NLRP6: variants seen among roughly 807,000 people sequenced by gnomAD.
The protein encoded by NLRP6 is NACHT, LRR and PYD domains-containing protein 6.
Under a neutral mutation model 70.9 loss-of-function variants are expected in NLRP6, and 55 were observed. That is an observed-to-expected ratio of 0.78 (90% CI 0.62 to 0.97). The LOEUF (loss-of-function observed/expected upper bound fraction) is 0.97. NLRP6 is among the 50% of genes least tolerant of loss of function. NLRP6 has a pLI of 0.00. For synonymous variants in NLRP6, 652 were observed against 581.9 expected (o/e 1.12, Z -1.73); for missense variants, 1,241 against 1,238.3 (o/e 1.00, Z -0.03).
rs897652584 is a variant in NLRP6, at chr11:280,296, C to G, written c.562C>G (p.Arg188Gly). 3.3e-6 allele frequency: 5 copies of G among 1,502,432 alleles called. No individual in the cohort carries two copies. Among genetic ancestry groups the G allele is most frequent in the Non-Finnish European group, 4.4e-6 (5 of 1,126,694 alleles). 93.1% of individuals were successfully genotyped at this position (1,502,432 alleles called of 1,614,324 possible). A position where few individuals can be genotyped will look rare whatever the true frequency, so the allele number is the denominator to read the frequency against. The change falls in exon 4 of 8, where the codon CGC becomes GGC. Residue 188 changes from arginine to glycine, a missense_variant. Transcript: ENST00000534750. ...DTHTFNRLFR[R>G]DEEGRRPLTV... is the part of the protein sequence containing the mutation. Reference sequence around the variant, plus strand: ...GCACACTTTCAACCGCCTCTTCCGCCGCGACGAGGAGGGCCGGCGGCCGCT... The same window carrying G: ...GCACACTTTCAACCGCCTCTTCCGCGGCGACGAGGAGGGCCGGCGGCCGCT...
Position 280,362 on chromosome 11 carries a change from A to G in NLRP6, c.628A>G (p.Met210Val). The G allele has an allele frequency of 6.5e-7, 1 of 1,539,240 alleles. No individual in the cohort carries two copies. The change falls in exon 4 of 8, where the codon ATG (methionine) becomes GTG (valine). Residue 210 changes from methionine to valine, a missense_variant. Coordinates refer to ENST00000534750, the MANE Select transcript of NLRP6 (RefSeq NM_001276700.2). ...LQGPAGIGKT[M>V]AAKKILYDWA... ...GGGCCCGGCGGGCATCGGCAAGACC[A>G]TGGCGGCCAAAAAGATCCTGTACGA...
rs574128942 is a variant in NLRP6, at chr11:284,340, C to T, written c.2309C>T (p.Ala770Val). Residue 770 changes from alanine to valine, a missense_variant, in exon 6 of 8, where the codon GCG becomes GTG. Transcript: ENST00000534750. ...LGLLHNRLSE[A>V]GLRMLSEGLA... ...CTCCTCCACAACAGGCTCAGTGAGG[C>T]GGGACTGCGTATGCTGAGTGAGGGC... The T allele has an allele frequency of 4.3e-5, 70 of 1,610,874 alleles. No individual in the cohort carries two copies. Among genetic ancestry groups the T allele is most frequent in the South Asian group, 1.3e-4 (12 of 91,012 alleles).
In NLRP6 at chr11:280,100, C is replaced by T; in HGVS notation, c.366C>T (p.Tyr122=). 6.6e-7 allele frequency: 1 copy of T among 1,518,190 alleles called. No individual in the cohort carries two copies. The highest frequency in any genetic ancestry group is 1.2e-5 in the South Asian group (1 of 80,158). The allele number at this position is 1,518,190 out of a possible 1,614,324, so 94.0% of individuals were successfully genotyped here. Residue 122 remains tyrosine, a synonymous_variant, in exon 4 of 8, where the codon TAC becomes TAT. Coordinates refer to ENST00000534750, the MANE Select transcript of NLRP6 (RefSeq NM_001276700.2). ...TGCGCCCAGAGTACAAGAAGAAGTA[C>T]CGGGAGCACGTGCTGCAGCTGCACG... ...LLSVSEYKKK[Y]REHVLQLHAR...
Position 280,249 on chromosome 11 carries a change from G to GGC in NLRP6, c.523_524dup (p.Arg176GlyfsTer22). On this transcript the variant is annotated frameshift_variant, in exon 4 of 8. Coordinates refer to ENST00000534750, the MANE Select transcript of NLRP6 (RefSeq NM_001276700.2). LOFTEE classifies it high-confidence loss of function. ...GGGCCCGCGGAAGAGCCTGAGCCGGGGCGCGCGCGGCGCTCGGACACGCAC... is the reference window on the plus strand; with the variant it reads ...GGGCCCGCGGAAGAGCCTGAGCCGGGGCGCGCGCGCGGCGCTCGGACACGCAC... The GGC allele has an allele frequency of 1.3e-6, 2 of 1,527,072 alleles. No homozygotes were observed. The highest frequency in any genetic ancestry group is 1.8e-6 in the Non-Finnish European group (2 of 1,138,598). The allele number at this position is 1,527,072 out of a possible 1,614,324, so 94.6% of individuals were successfully genotyped here.
chr11:283,312 T>C (rs1433216262), intron 5 of NLRP6, among the ~76,000 whole-genome samples: 1 of 46,170 alleles, frequency 2.2e-5, no homozygotes, highest in Admixed American at 2.3e-4. Context: ...TGTACAGTTC[T>C]TTTTTTTTTT....
intron 5 of NLRP6, among the ~76,000 whole-genome samples, chr11:283,540 C>T (rs1021837548): frequency 2.0e-5 from 3 of 152,072 alleles, no homozygotes; most frequent in Non-Finnish European, 4.4e-5. Flanking sequence ...GTCTCGATCT[C>T]CTGACCTCGT....
Position 284,358 on chromosome 11 carries a change from G to C in NLRP6, c.2327G>C (p.Ser776Thr), listed in dbSNP as rs1845524969. 5 of 1,607,544 alleles carry C rather than the reference G, an allele frequency of 3.1e-6. No homozygotes were observed. The highest frequency in any genetic ancestry group is 1.1e-5 in the South Asian group (1 of 90,926). Residue 776 changes from serine to threonine, a missense_variant, in exon 6 of 8, where the codon AGT (serine) becomes ACT (threonine). Physicochemically the swap from Ser to Thr is moderately conservative, Grantham distance 58. Coordinates refer to ENST00000534750, the MANE Select transcript of NLRP6 (RefSeq NM_001276700.2). ...AGTGAGGCGGGACTGCGTATGCTGA[G>C]TGAGGGCCTAGCCTGGCCGCAGTGC... is the stretch of plus-strand genomic sequence containing the variant. ...RLSEAGLRMLSEGLAWPQCRV... is the reference protein window; with the variant it reads ...RLSEAGLRMLTEGLAWPQCRV...
intron 1 of NLRP6, 187 bp from the exon 2 acceptor site, chr11:279,140 G>A: frequency 2.1e-6 from 1 of 472,652 alleles, no homozygotes; most frequent in East Asian, 3.7e-5. Flanking sequence ...CGGGTCCGGG[G>A]ACGGGGGAGG....
In NLRP6 at chr11:280,513, G is replaced by C; in HGVS notation, c.779G>C (p.Arg260Pro). The change falls in exon 4 of 8, where the codon CGC becomes CCC. Residue 260 changes from arginine (R) to proline (P), a missense_variant. By Grantham distance (103) the Arg-to-Pro change is moderately radical. Coordinates refer to ENST00000534750, the MANE Select transcript of NLRP6 (RefSeq NM_001276700.2). ...CTGATCCTGGACCAGTGCCCCGACCGCGGCGCGCCGGTGCCGCAGATGCTG... is the reference window on the plus strand; with the variant it reads ...CTGATCCTGGACCAGTGCCCCGACCCCGGCGCGCCGGTGCCGCAGATGCTG... ...ADLILDQCPD[R>P]GAPVPQMLAQ... 1 of 1,572,298 alleles carries C rather than the reference G, an allele frequency of 6.4e-7. No homozygotes were observed. The highest frequency in any genetic ancestry group is 8.5e-7 in the Non-Finnish European group (1 of 1,170,274).
intron 1 of NLRP6, 56 bp from the exon 2 acceptor site, chr11:279,271 C>A: frequency 2.9e-6 from 2 of 693,302 alleles, no homozygotes; most frequent in Non-Finnish European, 3.7e-6. Context: ...GAGTCGGGGG[C>A]GGGCGGGGGT....
chr11:284,251 T>C lies in NLRP6; in HGVS notation c.2220T>C (p.Pro740=), dbSNP rs373877816. The part of the protein sequence containing the change: ...SSLTLSHCKL[P]DAVCRDLSEA... The stretch of plus-strand genomic sequence containing the variant: ...ACAGGCTGTCCCACTGCAAACTCCC[T>C]GACGCGGTCTGCCGAGACCTTTCTG... The change falls in exon 6 of 8, where the codon CCT becomes CCC. Residue 740 remains proline (P), a synonymous_variant. Transcript: ENST00000534750. The C allele has an allele frequency of 3.2e-5, 51 of 1,613,142 alleles. No individual in the cohort carries two copies. The highest frequency in any genetic ancestry group is 4.3e-5 in the Non-Finnish European group (51 of 1,180,002).
At chr11:279,272 G>C (rs1020109173) in intron 1 of NLRP6, 55 bp from the exon 2 acceptor site, 6 of 1,214,976 alleles carry the variant, frequency 4.9e-6, no homozygotes, top group African/African-American at 4.7e-5. Context: ...AGTCGGGGGC[G>C]GGCGGGGGTC....
intron 7 of NLRP6, among the ~76,000 whole-genome samples, chr11:284,888 A>G (rs1845536490): frequency 6.6e-6 from 1 of 152,126 alleles, no homozygotes; most frequent in South Asian, 2.1e-4. Context: ...TGCCCATGGC[A>G]GCACCCTGGG....
intron 7 of NLRP6, 47 bp downstream of exon 7, chr11:284,689 CGGGGAG>C: frequency 6.5e-7 from 1 of 1,539,892 alleles, no homozygotes; most frequent in Non-Finnish European, 8.8e-7. Flanking sequence ...CCTGTCAACC[CGGGGAG>C]GGGGAGGGTG....
chr11:280,967 G>C lies in NLRP6; in HGVS notation c.1233G>C (p.Thr411=). The change falls in exon 4 of 8, where the codon ACG becomes ACC. Residue 411 remains threonine (T), a synonymous_variant. Transcript: ENST00000534750. ...AGCTCGGTCGGGACCTGTCGCGCAC[G>C]TCCAAGACCACCACGTCAGTGTACC... ...QLELGRDLSR[T]SKTTTSVYLL... is the part of the protein sequence containing the mutation. The C allele has an allele frequency of 6.2e-7, 1 of 1,613,208 alleles. No homozygotes were observed. Among genetic ancestry groups the C allele is most frequent in the Non-Finnish European group, 8.5e-7 (1 of 1,179,982 alleles).
chr11:280,944 C>G lies in NLRP6; in HGVS notation c.1210C>G (p.Leu404Val), dbSNP rs771690239. 55 of 1,613,144 alleles carry G rather than the reference C, an allele frequency of 3.4e-5. No individual in the cohort carries two copies. The highest frequency in any genetic ancestry group is 4.2e-5 in the Non-Finnish European group (49 of 1,179,954). Residue 404 changes from leucine to valine, a missense_variant, in exon 4 of 8, where the codon CTC becomes GTC. Coordinates refer to ENST00000534750, the MANE Select transcript of NLRP6 (RefSeq NM_001276700.2). ...VCTVLRQQLE[L>V]GRDLSRTSKT... The stretch of plus-strand genomic sequence containing the variant: ...CACCGTGCTGCGCCAGCAGCTGGAG[C>G]TCGGTCGGGACCTGTCGCGCACGTC...
chr11:278,978 C>T lies in NLRP6; in HGVS notation c.30-349C>T. The T allele has an allele frequency of 2.9e-6, 1 of 348,494 alleles. No homozygotes were observed. The highest frequency in any genetic ancestry group is 5.2e-6 in the Non-Finnish European group (1 of 193,510). 21.6% of individuals were successfully genotyped at this position (348,494 alleles called of 1,614,324 possible). A position where few individuals can be genotyped will look rare whatever the true frequency, so the allele number is the denominator to read the frequency against. Reference sequence around the variant, plus strand: ...AGAGCTCAGGGTTCCTTGGAAATACCTCCCTCGGGGCATGTGACCTGTCCT... The same window carrying T: ...AGAGCTCAGGGTTCCTTGGAAATACTTCCCTCGGGGCATGTGACCTGTCCT... On this transcript the variant is annotated intron_variant, in intron 1 of 7. Coordinates refer to ENST00000534750, the MANE Select transcript of NLRP6 (RefSeq NM_001276700.2). The surrounding 1 kb of genome is among the most constrained non-coding windows in gnomAD (Gnocchi z 4.7).
At chr11:284,428 G>T (rs751510237) in intron 6 of NLRP6, 28 bp downstream of exon 6, 3 of 1,601,402 alleles carry the variant, frequency 1.9e-6, no homozygotes, top group Non-Finnish European at 2.6e-6. Context: ...AGGGACCGTG[G>T]GATGCCCCCG....
chr11:280,383 T>C lies in NLRP6; in HGVS notation c.649T>C (p.Tyr217His), dbSNP rs375904188. The C allele has an allele frequency of 3.9e-6, 6 of 1,556,806 alleles. No individual in the cohort carries two copies. The African/African-American group carries it at 6.9e-5, about 18-fold the overall frequency. Reference protein sequence around the residue: ...GKTMAAKKILYDWAAGKLYQG... With the variant: ...GKTMAAKKILHDWAAGKLYQG... ...GACCATGGCGGCCAAAAAGATCCTGTACGACTGGGCGGCGGGCAAGCTGTA... is the reference window on the plus strand; with the variant it reads ...GACCATGGCGGCCAAAAAGATCCTGCACGACTGGGCGGCGGGCAAGCTGTA... The change falls in exon 4 of 8, where the codon TAC becomes CAC. Residue 217 changes from tyrosine (Y) to histidine (H), a missense_variant. Transcript: ENST00000534750.
Sources: allele counts gnomAD v4.1 joint callset (sites outside exome capture counted in the v4.1 genomes callset), GRCh38; gene constraint gnomAD v4.1.1; non-coding constraint Gnocchi (gnomAD v3.1); transcripts MANE v1.5; gene names NCBI Gene and HGNC (gene_info 2026-07-23, HGNC 2026-07-21).